The following NCK2 variants were observed in gnomAD, a reference collection of about 807,000 sequenced individuals.
NCK2 encodes the protein NCK adaptor protein 2.
In NCK2, 16 loss-of-function variants were observed where a neutral mutation model predicts 33.9. The ratio of observed to expected loss-of-function variants is 0.47; its 90% confidence interval spans 0.32 to 0.72. The LOEUF is 0.72. Ranked by LOEUF, NCK2 falls within the 30% of genes least tolerant of loss-of-function variation. The pLI, the probability that NCK2 is intolerant of heterozygous loss-of-function variation, is 0.03. For synonymous variants in NCK2, 273 were observed against 239.9 expected (o/e 1.14, Z -1.27); for missense variants, 418 against 537.3 (o/e 0.78, Z 2.19).
At chr2:105,790,170 A>G (rs1690830079) in intron 1 of NCK2, among the ~76,000 whole-genome samples, 1 of 152,272 alleles carries the variant, frequency 6.6e-6, no homozygotes, top group Non-Finnish European at 1.5e-5. Context: ...CAAAGCCCAC[A>G]AATAGACCTG....
intron 3 of NCK2, among the ~76,000 whole-genome samples, chr2:105,858,997 T>G (rs1396910690): frequency 2.0e-5 from 3 of 152,166 alleles, no homozygotes; most frequent in African/African-American, 7.2e-5. Flanking sequence ...CAGTTGATGT[T>G]TTTGAAGGGC....
intron 3 of NCK2, among the ~76,000 whole-genome samples, chr2:105,862,392 C>T (rs932586659): frequency 6.6e-6 from 1 of 152,132 alleles, no homozygotes; most frequent in African/African-American, 2.4e-5. Flanking sequence ...TGTAATAGCA[C>T]CCCAGGCCAG....
intron 2 of NCK2, among the ~76,000 whole-genome samples, chr2:105,829,619 A>G (rs150565996): frequency 1.6e-3 from 244 of 152,220 alleles, no homozygotes; most frequent in Admixed American, 3.3e-3. Flanking sequence ...AAGTCCCCCA[A>G]TTGAGAGTTG....
At chr2:105,879,951 G>T (rs1219885683) in intron 3 of NCK2, among the ~76,000 whole-genome samples, 1 of 152,242 alleles carries the variant, frequency 6.6e-6, no homozygotes, top group Admixed American at 6.5e-5. Flanking sequence ...TCGAAGCAGA[G>T]CTGTGGTGGG....
At chr2:105,764,995 G>A (rs553539494) in intron 1 of NCK2, among the ~76,000 whole-genome samples, 2 of 149,722 alleles carry the variant, frequency 1.3e-5, no homozygotes, top group Admixed American at 6.8e-5. Flanking sequence ...ACGTCTCTGG[G>A]TATATTTCTC....
chr2:105,783,274 C>T (rs536399237), intron 1 of NCK2, among the ~76,000 whole-genome samples: 1 of 152,312 alleles, frequency 6.6e-6, no homozygotes, highest in South Asian at 2.1e-4. Context: ...TTTGTAGCCT[C>T]GCTAGAGCTT....
intron 4 of NCK2, among the ~76,000 whole-genome samples, chr2:105,882,744 G>C (rs1678559719): frequency 6.6e-6 from 1 of 152,128 alleles, no homozygotes; most frequent in Admixed American, 6.5e-5. Flanking sequence ...ATCCCAGAAG[G>C]CAGGCTTTTC....
At chr2:105,829,448 CT>C (rs1228286183) in intron 2 of NCK2, among the ~76,000 whole-genome samples, 21 of 152,048 alleles carry the variant, frequency 1.4e-4, no homozygotes, top group Non-Finnish European at 4.4e-5. Context: ...GGATTTAAAA[CT>C]TTTTTAACCT....
rs546272250 is a variant in NCK2 at position 105,768,288 on chromosome 2, G to A, written c.-201+23150G>A. 3.4e-3 allele frequency among the ~76,000 whole-genome samples: 521 copies of A among 152,326 alleles called. 6 individuals carry two copies. The highest frequency in any genetic ancestry group is 0.019 in the Admixed American group (298 of 15,302). ...GAGTGCTCAGTGGCCGCGTGTGGCC[G>A]GTGGCTGTGTTATCAAACAGGTCTC... On this transcript the variant is annotated intron_variant, in intron 1 of 4. Coordinates refer to ENST00000233154, the MANE Select transcript of NCK2 (RefSeq NM_003581.5).
chr2:105,770,695 T>C (rs1690106506), intron 1 of NCK2, among the ~76,000 whole-genome samples: 1 of 152,202 alleles, frequency 6.6e-6, no homozygotes, highest in Non-Finnish European at 1.5e-5. Context: ...GATATCGATA[T>C]TTAGTAATCT....
rs1689655934 is a variant in NCK2, at chr2:105,758,293, A to G, written c.-201+13155A>G. Among the ~76,000 whole-genome samples the G allele has an allele frequency of 2.0e-5, 3 of 152,130 alleles. No homozygotes were observed. The South Asian group carries it at 6.2e-4, about 31-fold the overall frequency. On this transcript the variant is annotated intron_variant, in intron 1 of 4. Transcript: ENST00000233154. ...CTTGGATTAGTAATGAATATTGCAC[A>G]TCAATCCTGTGCACACATTTTACAG... is the stretch of plus-strand genomic sequence containing the variant.
chr2:105,814,594 T>G (rs915581801), intron 1 of NCK2, among the ~76,000 whole-genome samples: 1 of 151,960 alleles, frequency 6.6e-6, no homozygotes, highest in Non-Finnish European at 1.5e-5. Context: ...GCATAAGGAG[T>G]CTCTCCTCTG....
intron 1 of NCK2, among the ~76,000 whole-genome samples, chr2:105,783,649 G>A (rs1690574616): frequency 6.6e-6 from 1 of 152,044 alleles, no homozygotes; most frequent in Non-Finnish European, 1.5e-5. Context: ...AAATACCTTA[G>A]CACGAAGAAA....
At chr2:105,799,316 T>C (rs1183614020) in intron 1 of NCK2, among the ~76,000 whole-genome samples, 1 of 152,158 alleles carries the variant, frequency 6.6e-6, no homozygotes. Context: ...GTGTTTTCCA[T>C]ATGTCCTTCT....
chr2:105,835,423 A>ATT lies in NCK2; in HGVS notation c.-17+18819_-17+18820dup, dbSNP rs759330804. Among the ~76,000 whole-genome samples the ATT allele has an allele frequency of 4.9e-3, 494 of 101,816 alleles. 10 individuals carry two copies. The highest frequency in any genetic ancestry group is 0.015 in the East Asian group (49 of 3,264). The allele number at this position is 101,816 out of a possible 152,430, so 66.8% of individuals were successfully genotyped here. A position where few individuals can be genotyped will look rare whatever the true frequency, so the allele number is the denominator to read the frequency against. The stretch of plus-strand genomic sequence containing the variant: ...TATATATACGTGTATATATATATAT[A>ATT]TTTTTTTTTTGGTCAGCATTTTGAA... On this transcript the variant is annotated intron_variant, in intron 2 of 4. Transcript: ENST00000233154.
chr2:105,874,726 C>T (rs1678166836), intron 3 of NCK2, among the ~76,000 whole-genome samples: 1 of 152,242 alleles, frequency 6.6e-6, no homozygotes, highest in Admixed American at 6.5e-5. Context: ...TCTGTTACAA[C>T]ATCTCTTCAT....
At chr2:105,823,646 T>C (rs997392731) in intron 2 of NCK2, among the ~76,000 whole-genome samples, 8 of 151,942 alleles carry the variant, frequency 5.3e-5, no homozygotes, top group Non-Finnish European at 1.2e-4. Flanking sequence ...CAGTTTTGGA[T>C]GGAAACGAAT....
rs116085778 is a variant in NCK2, at chr2:105,797,551, A to G, written c.-200-18879A>G. ...ATGTGAGGGAGGCTGCTCTCTTGACAGCGTCTTAGGGTCAGGATGGCTGGA... is the reference window on the plus strand; with the variant it reads ...ATGTGAGGGAGGCTGCTCTCTTGACGGCGTCTTAGGGTCAGGATGGCTGGA... On this transcript the variant is annotated intron_variant, in intron 1 of 4. Coordinates refer to ENST00000233154, the MANE Select transcript of NCK2 (RefSeq NM_003581.5). Among the ~76,000 whole-genome samples the G allele has an allele frequency of 9.1e-3, 1,388 of 152,296 alleles. 22 individuals are homozygous for G. The highest frequency in any genetic ancestry group is 0.032 in the African/African-American group (1,319 of 41,546).
chr2:105,745,193 CG>C (rs1689228916), intron 1 of NCK2, 55 bp downstream of exon 1: 1 of 150,272 alleles, frequency 6.7e-6, no homozygotes, highest in Admixed American at 6.6e-5. Flanking sequence ...GGCCGTTGGG[CG>C]GAGTTGGGAG....
Sources: allele counts gnomAD v4.1 joint callset (sites outside exome capture counted in the v4.1 genomes callset), GRCh38; gene constraint gnomAD v4.1.1; transcripts MANE v1.5; gene names NCBI Gene and HGNC (gene_info 2026-07-23, HGNC 2026-07-21).